The following DOCK4 variants were observed in gnomAD, a reference collection of about 807,000 sequenced individuals.
DOCK4 encodes dedicator of cytokinesis 4.
A neutral mutation model predicts 268.1 loss-of-function variants in DOCK4; 97 were observed. The ratio of observed to expected loss-of-function variants is 0.36; its 90% CI spans 0.31 to 0.43. The LOEUF (loss-of-function observed/expected upper bound fraction) is 0.43, where lower values mean the gene tolerates loss of function less well. DOCK4 is among the 20% of genes least tolerant of loss of function. The probability of loss-of-function intolerance (pLI) is 1.00; values close to 1 mark genes in which losing one functional copy is unlikely to be tolerated. For synonymous variants in DOCK4, 954 were observed against 887.2 expected (o/e 1.08, Z -1.34); for missense variants, 2,145 against 2,455.7 (o/e 0.87, Z 2.67).
intron 1 of DOCK4, among the ~76,000 whole-genome samples, chr7:112,119,047 C>CTCA (rs2115856383): frequency 6.6e-6 from 1 of 152,280 alleles, no homozygotes; most frequent in East Asian, 1.9e-4. Context: ...GTCACTTTGG[C>CTCA]TCGCTGTTTC....
intron 1 of DOCK4, among the ~76,000 whole-genome samples, chr7:112,191,043 C>A (rs2116790891): frequency 6.6e-6 from 1 of 152,282 alleles, no homozygotes; most frequent in Middle Eastern, 3.4e-3. Context: ...TAGCCCCCTA[C>A]CTTCTAGGCA....
At chr7:111,769,499 A>G (rs1797979679) in intron 37 of DOCK4, 30 bp downstream of exon 37, 2 of 1,612,352 alleles carry the variant, frequency 1.2e-6, no homozygotes, top group Non-Finnish European at 1.7e-6. Flanking sequence ...TCACCCCAGG[A>G]GGGACCCCGG....
intron 1 of DOCK4, among the ~76,000 whole-genome samples, chr7:112,056,636 A>G (rs1363275557): frequency 6.6e-6 from 1 of 152,214 alleles, no homozygotes; most frequent in Non-Finnish European, 1.5e-5. Context: ...AAGTGGATTT[A>G]CAAACAAGAT....
At chr7:111,783,424 T>C (rs1798925375) in intron 34 of DOCK4, among the ~76,000 whole-genome samples, 2 of 152,150 alleles carry the variant, frequency 1.3e-5, no homozygotes, top group South Asian at 4.1e-4. Context: ...GGTGACACTG[T>C]GAGTTTCATC....
chr7:111,916,594 T>C lies in DOCK4; in HGVS notation c.1067-690A>G, dbSNP rs191023560. 1.8e-4 allele frequency among the ~76,000 whole-genome samples: 28 copies of C among 152,264 alleles called. 1 individual carries two copies. The East Asian group carries it at 5.2e-3, about 28-fold the overall frequency. The stretch of plus-strand genomic sequence containing the variant: ...TATTTTTACCCCAATTATAAGGACA[T>C]TACCTTAGCTGGATATACAGAAGAT... On this transcript the variant is annotated intron_variant, in intron 12 of 52. Transcript: ENST00000428084.
chr7:111,838,732 G>C (rs1472173572), intron 25 of DOCK4, among the ~76,000 whole-genome samples: 1 of 152,126 alleles, frequency 6.6e-6, no homozygotes, highest in African/African-American at 2.4e-5. Flanking sequence ...AAAAGAGAGG[G>C]AACCGAGAGG....
chr7:112,184,177 C>T (rs566339091), intron 1 of DOCK4, among the ~76,000 whole-genome samples: 13 of 152,184 alleles, frequency 8.5e-5, no homozygotes, highest in Non-Finnish European at 1.8e-4. Flanking sequence ...AGTTTCTAAG[C>T]TTTGTGAGAT....
At chr7:112,118,592 C>T (rs1812406561) in intron 1 of DOCK4, among the ~76,000 whole-genome samples, 1 of 152,126 alleles carries the variant, frequency 6.6e-6, no homozygotes, top group Non-Finnish European at 1.5e-5. Flanking sequence ...CGTTGAGTGG[C>T]CACTGGGACT....
At chr7:111,989,764 A>G (rs1799371999) in intron 5 of DOCK4, among the ~76,000 whole-genome samples, 1 of 152,232 alleles carries the variant, frequency 6.6e-6, no homozygotes, top group Non-Finnish European at 1.5e-5. Flanking sequence ...GATTCAAGAT[A>G]ATCTCCTGTG....
At chr7:111,749,647 G>A (rs1459998955) in intron 42 of DOCK4, among the ~76,000 whole-genome samples, 1 of 152,122 alleles carries the variant, frequency 6.6e-6, no homozygotes, top group African/African-American at 2.4e-5. Context: ...ATGAAGGATA[G>A]ATAAAATGTT....
intron 1 of DOCK4, among the ~76,000 whole-genome samples, chr7:112,152,671 C>T (rs937401639): frequency 2.0e-5 from 3 of 152,020 alleles, no homozygotes; most frequent in Admixed American, 6.6e-5. Context: ...GTTTTTGTAG[C>T]GACGGGGGTC....
chr7:112,111,880 G>T (rs1811688264), intron 1 of DOCK4, among the ~76,000 whole-genome samples: 1 of 152,184 alleles, frequency 6.6e-6, no homozygotes, highest in Admixed American at 6.5e-5. Context: ...CTGTGATTCT[G>T]CTCAGACCCA....
chr7:111,971,765 G>A (rs1324476243), intron 8 of DOCK4: 10 of 300,738 alleles, frequency 3.3e-5, no homozygotes, highest in Non-Finnish European at 6.2e-5. Context: ...CTGAATGAAC[G>A]GGTCAATCGC....
intron 1 of DOCK4, among the ~76,000 whole-genome samples, chr7:112,139,292 A>G (rs1814665147): frequency 6.6e-6 from 1 of 151,978 alleles, no homozygotes; most frequent in African/African-American, 2.4e-5. Flanking sequence ...CACAAAAAAT[A>G]CCCCCAAAAA....
intron 16 of DOCK4, among the ~76,000 whole-genome samples, chr7:111,884,007 A>T (rs1462154711): frequency 6.6e-6 from 1 of 152,106 alleles, no homozygotes; most frequent in Non-Finnish European, 1.5e-5. Flanking sequence ...AAAACATGTA[A>T]CTACTCTTTG....
At chr7:112,115,791 C>A (rs986368790) in intron 1 of DOCK4, among the ~76,000 whole-genome samples, 1 of 152,216 alleles carries the variant, frequency 6.6e-6, no homozygotes, top group African/African-American at 2.4e-5. Flanking sequence ...AAGTGATCCT[C>A]CTGCCTCAGC....
At chr7:112,142,900 A>G (rs1055200428) in intron 1 of DOCK4, among the ~76,000 whole-genome samples, 3 of 152,128 alleles carry the variant, frequency 2.0e-5, no homozygotes, top group East Asian at 1.9e-4. Flanking sequence ...ATTGCATAGC[A>G]CAGGATATTT....
intron 1 of DOCK4, among the ~76,000 whole-genome samples, chr7:112,190,634 G>C (rs1318594435): frequency 6.6e-6 from 1 of 151,246 alleles, no homozygotes; most frequent in Admixed American, 6.6e-5. Context: ...GGGAACTTGT[G>C]TACCATAAAA....
chr7:111,794,608 C>G (rs1799764239), intron 30 of DOCK4, among the ~76,000 whole-genome samples: 1 of 150,822 alleles, frequency 6.6e-6, no homozygotes, highest in Non-Finnish European at 1.5e-5. Flanking sequence ...AATGCAGTGA[C>G]TCCTTAATAA....
Sources: allele counts gnomAD v4.1 joint callset (sites outside exome capture counted in the v4.1 genomes callset), GRCh38; gene constraint gnomAD v4.1.1; transcripts MANE v1.5; gene names NCBI Gene and HGNC (gene_info 2026-07-23, HGNC 2026-07-21).